LRRC63: variants seen among roughly 807,000 people sequenced by gnomAD.
LRRC63 encodes leucine rich repeat containing 63.
A neutral mutation model predicts 49.5 loss-of-function variants in LRRC63; 40 were observed. That is an observed-to-expected ratio of 0.81 (90% CI 0.63 to 1.05). LRRC63 has a LOEUF of 1.05. LRRC63 is among the 50% of genes least tolerant of loss of function. The pLI is 0.00. For synonymous variants in LRRC63, 191 were observed against 221.1 expected (o/e 0.86, Z 1.21); for missense variants, 636 against 663.1 (o/e 0.96, Z 0.45).
At chr13:46,239,614 G>A (rs35237845) in intron 5 of LRRC63, among the ~76,000 whole-genome samples, 18,145 of 152,162 alleles carry the variant, frequency 0.12, 1,386 homozygotes, top group African/African-American at 0.2. Context: ...TTGAGGAGGA[G>A]GGGCTCCTCC....
At chr13:46,265,680 G>T (rs1190248964) in intron 8 of LRRC63, among the ~76,000 whole-genome samples, 1 of 152,174 alleles carries the variant, frequency 6.6e-6, no homozygotes, top group Non-Finnish European at 1.5e-5. Context: ...TTGAATTTTG[G>T]GGGGACAGAA....
At chr13:46,276,828 G>A (rs9888469) in exon 10 of LRRC63, 33,081 of 136,864 alleles carry the variant, frequency 0.24, 3,900 homozygotes, top group East Asian at 0.3. Flanking sequence ...GTATGTGTGT[G>A]TATATATATA....
intron 9 of LRRC63, chr13:46,270,615 C>A: frequency 1.2e-6 from 1 of 846,596 alleles, no homozygotes; most frequent in Non-Finnish European, 2.0e-6. Flanking sequence ...ACAACAGTGA[C>A]GTCATGAGGA....
exon 5 of LRRC63, chr13:46,234,212 A>G: frequency 1.3e-6 from 2 of 1,549,470 alleles, no homozygotes; most frequent in Non-Finnish European, 1.7e-6. Flanking sequence ...AACTGAAAAA[A>G]TAGAATCAGA....
exon 9 of LRRC63, chr13:46,266,927 A>C (rs766821515): frequency 6.5e-7 from 1 of 1,547,534 alleles, no homozygotes; most frequent in South Asian, 1.2e-5. Flanking sequence ...AAACTACATA[A>C]ATTTTATGAT....
At chr13:46,224,078 T>G (rs926141935) in intron 2 of LRRC63, among the ~76,000 whole-genome samples, 12 of 152,228 alleles carry the variant, frequency 7.9e-5, no homozygotes, top group South Asian at 6.2e-4. Flanking sequence ...AGCTCCTATA[T>G]CTGAATGTGA....
intron 7 of LRRC63, among the ~76,000 whole-genome samples, chr13:46,258,276 T>C (rs1275607554): frequency 1.3e-5 from 2 of 151,326 alleles, no homozygotes; most frequent in Non-Finnish European, 2.9e-5. Context: ...ATTACAGGCA[T>C]GCGCCACCAT....
chr13:46,244,073 A>G (rs139039338), intron 5 of LRRC63, among the ~76,000 whole-genome samples: 112 of 152,356 alleles, frequency 7.4e-4, no homozygotes, highest in African/African-American at 2.4e-3. Context: ...TAAGTGGTAA[A>G]TAATCAGTGA....
chr13:46,250,172 C>T, intron 6 of LRRC63, 183 bp from the exon 7 acceptor site: 1 of 469,564 alleles, frequency 2.1e-6, no homozygotes, highest in Non-Finnish European at 3.8e-6. Context: ...CCATATCATA[C>T]CTATTAATGC....
intron 5 of LRRC63, among the ~76,000 whole-genome samples, chr13:46,240,633 G>A (rs1167078228): frequency 2.6e-5 from 4 of 152,174 alleles, no homozygotes; most frequent in African/African-American, 7.2e-5. Flanking sequence ...CTTCAGCAAA[G>A]TCTCAGGCTA....
At chr13:46,266,088 T>C (rs1018310821) in intron 8 of LRRC63, among the ~76,000 whole-genome samples, 1 of 152,216 alleles carries the variant, frequency 6.6e-6, no homozygotes, top group Non-Finnish European at 1.5e-5. Context: ...CAGCCTTTGA[T>C]TTGATTTTTA....
chr13:46,264,244 T>A (rs911748340), intron 8 of LRRC63, among the ~76,000 whole-genome samples: 1 of 152,210 alleles, frequency 6.6e-6, no homozygotes, highest in Admixed American at 6.5e-5. Flanking sequence ...TTTCCCGGAA[T>A]TCAGTGAATT....
chr13:46,266,844 T>G (rs1318319686), exon 9 of LRRC63: 2 of 1,549,914 alleles, frequency 1.3e-6, no homozygotes, highest in South Asian at 1.2e-5. Context: ...CTCATCCTTG[T>G]TTTTGGAGAG....
chr13:46,274,361 G>GC (rs2047802626), intron 9 of LRRC63, among the ~76,000 whole-genome samples: 1 of 152,164 alleles, frequency 6.6e-6, no homozygotes, highest in African/African-American at 2.4e-5. Context: ...TCCAGTGTCT[G>GC]CCCTTGGCTT....
chr13:46,267,171 G>A lies in LRRC63; in HGVS notation c.1550+199G>A, dbSNP rs74741756. Among the ~76,000 whole-genome samples the A allele has an allele frequency of 2.4e-3, 363 of 152,316 alleles. 2 individuals are homozygous for A. The highest frequency in any genetic ancestry group is 8.3e-3 in the African/African-American group (346 of 41,576). On this transcript the variant is annotated intron_variant, in intron 9 of 9. Transcript: ENST00000595396. ...TAGTCTGAATCCGGCCCCCTTGTGT[G>A]ATATTCTCAAGTTGTTACTTAAATC...
At chr13:46,261,920 T>C in exon 8 of LRRC63, 1 of 1,065,702 alleles carries the variant, frequency 9.4e-7, no homozygotes. Context: ...TTATTTTCCT[T>C]GTCTTATCTT....
intron 5 of LRRC63, among the ~76,000 whole-genome samples, chr13:46,241,033 C>A (rs535550893): frequency 5.3e-5 from 8 of 152,108 alleles, no homozygotes; most frequent in Non-Finnish European, 1.2e-4. Flanking sequence ...CCAAGGCAAG[C>A]CTAAGCAAAA....
intron 2 of LRRC63, among the ~76,000 whole-genome samples, chr13:46,218,037 C>T (rs977501413): frequency 6.5e-4 from 99 of 152,128 alleles, no homozygotes; most frequent in Non-Finnish European, 3.5e-4. Context: ...GGTCAATTTT[C>T]GAATAAGTGC....
intron 4 of LRRC63, among the ~76,000 whole-genome samples, chr13:46,231,505 T>C (rs1452781989): frequency 2.0e-5 from 3 of 151,744 alleles, no homozygotes; most frequent in Non-Finnish European, 4.4e-5. Flanking sequence ...TGCCACACAC[T>C]TTTTCTTTTT....
Sources: gnomAD v4.1 joint callset for allele counts (sites outside exome capture counted in the v4.1 genomes callset) on GRCh38, gnomAD v4.1.1 for gene constraint, MANE v1.5 for transcripts, NCBI Gene and HGNC (gene_info 2026-07-23, HGNC 2026-07-21) for gene names.